The following NUDT5 variants were observed in gnomAD, a reference collection of about 807,000 sequenced individuals.
NUDT5 encodes nudix hydrolase 5.
A neutral mutation model predicts 34.1 loss-of-function variants in NUDT5; 21 were observed. The ratio of observed to expected loss-of-function variants is 0.62; its 90% CI spans 0.44 to 0.89. The LOEUF (loss-of-function observed/expected upper bound fraction) is 0.89, where lower values mean the gene tolerates loss of function less well. Among genes scored for constraint, NUDT5 ranks in the 40% least tolerant of loss-of-function variants. NUDT5 has a pLI of 0.00. For missense variants in NUDT5, 249 were observed against 274.8 expected, an observed-to-expected ratio of 0.91 and a Z score of 0.66; for synonymous variants, 85 against 97.6, an observed-to-expected ratio of 0.87 and a Z score of 0.76.
At position 12,167,754 on chromosome 10, in the gene NUDT5, G is replaced by C; in HGVS notation, c.608C>G (p.Ala203Gly). The change falls in exon 10 of 10, where the codon GCA (alanine) becomes GGA (glycine). Residue 203 changes from alanine to glycine, a missense_variant. Coordinates refer to ENST00000491614, the MANE Select transcript of NUDT5 (RefSeq NM_014142.4). ...TGGCTTTGCATTTGCATGTTTCAGTGCTAGAGCGTAGGAATAGACCCTGGC... is the reference window on the plus strand; with the variant it reads ...TGGCTTTGCATTTGCATGTTTCAGTCCTAGAGCGTAGGAATAGACCCTGGC... ...VDARVYSYALALKHANAKPFE... is the reference protein window; with the variant it reads ...VDARVYSYALGLKHANAKPFE... 6.2e-7 allele frequency: 1 copy of C among 1,614,134 alleles called. No homozygotes were observed. The highest frequency in any genetic ancestry group is 8.5e-7 in the Non-Finnish European group (1 of 1,180,014).
Position 12,182,207 on chromosome 10 carries a change from T to C in NUDT5, c.131+2682A>G, listed in dbSNP as rs147621159. Among the ~76,000 whole-genome samples the C allele has an allele frequency of 6.6e-6, 1 of 152,064 alleles. No individual in the cohort carries two copies. The highest frequency in any genetic ancestry group is 2.4e-5 in the African/African-American group (1 of 41,452). On this transcript the variant is annotated intron_variant, in intron 3 of 9. Transcript: ENST00000491614. This position sits in a 1 kb window ranked among gnomAD's most constrained non-coding sequence, Gnocchi z 4.3. ...TTTTCCCCTGGGGGGACACTGAATG[T>C]CTGTGTTGTATGCCTGTGTTCTGAC...
Position 12,171,605 on chromosome 10 carries a change from T to C in NUDT5, c.488-697A>G, listed in dbSNP as rs1288448967. Among the ~76,000 whole-genome samples the C allele has an allele frequency of 6.6e-6, 1 of 152,160 alleles. No individual in the cohort carries two copies. Among genetic ancestry groups the C allele is most frequent in the Non-Finnish European group, 1.5e-5 (1 of 68,028 alleles). ...ATGAAATGCCAGATCATATAATAAT[T>C]CTGTATCTAATATGCTGAGGAACTG... is the stretch of plus-strand genomic sequence containing the variant. On this transcript the variant is annotated intron_variant, in intron 7 of 9. Coordinates refer to ENST00000491614, the MANE Select transcript of NUDT5 (RefSeq NM_014142.4). This position sits in a 1 kb window ranked among gnomAD's most constrained non-coding sequence, Gnocchi z 4.2.
chr10:12,180,687 G>C (rs374546241), intron 3 of NUDT5, among the ~76,000 whole-genome samples: 1 of 152,184 alleles, frequency 6.6e-6, no homozygotes, highest in African/African-American at 2.4e-5. Context: ...TCAGCTCTTC[G>C]TCTCTACTTG....
intron 5 of NUDT5, among the ~76,000 whole-genome samples, chr10:12,177,308 A>C (rs1173713293): frequency 1.3e-5 from 2 of 152,284 alleles, no homozygotes; most frequent in African/African-American, 4.8e-5. Flanking sequence ...TCACAAGGTC[A>C]GGAGATCGAG....
In NUDT5 at chr10:12,170,731, A is replaced by G. The variant is rs1386274543; in HGVS notation, c.536T>C (p.Leu179Pro). The change falls in exon 9 of 10, where the codon CTG becomes CCG. Residue 179 changes from leucine (L) to proline (P), a missense_variant. Coordinates refer to ENST00000491614, the MANE Select transcript of NUDT5 (RefSeq NM_014142.4). The surrounding 1 kb of genome is among the most constrained non-coding windows in gnomAD (Gnocchi z 4.9). Reference sequence around the variant, plus strand: ...AGAATGCTTACCATCAAGTCTCTGCAGCAGGTCATTCTTGGGTAAAGAAAT... The same window carrying G: ...AGAATGCTTACCATCAAGTCTCTGCGGCAGGTCATTCTTGGGTAAAGAAAT... ...EVISLPKNDL[L>P]QRLDALVAEE... 6.2e-7 allele frequency: 1 copy of G among 1,613,800 alleles called. No homozygotes were observed. Among genetic ancestry groups the G allele is most frequent in the African/African-American group, 1.3e-5 (1 of 74,934 alleles).
rs756821215 is a variant in NUDT5 at position 12,181,671 on chromosome 10, G to A, written c.132-2539C>T. 1.3e-5 allele frequency among the ~76,000 whole-genome samples: 2 copies of A among 151,960 alleles called. No homozygotes were observed. The highest frequency in any genetic ancestry group is 2.9e-5 in the Non-Finnish European group (2 of 67,992). ...GTGGGAGTACCTGCAGAGGGAAGTC[G>A]CCGTGTGCGTGCAAAGGATATATCG... On this transcript the variant is annotated intron_variant, in intron 3 of 9. Transcript: ENST00000491614. The surrounding 1 kb of genome is among the most constrained non-coding windows in gnomAD (Gnocchi z 5.0).
intron 1 of NUDT5, among the ~76,000 whole-genome samples, chr10:12,194,299 C>T (rs939402353): frequency 6.6e-6 from 1 of 152,246 alleles, no homozygotes; most frequent in South Asian, 2.1e-4. Flanking sequence ...CTAAATAAAT[C>T]CCCCATCGAT....
intron 2 of NUDT5, 86 bp downstream of exon 2, chr10:12,186,143 A>G: frequency 9.5e-7 from 1 of 1,049,616 alleles, no homozygotes; most frequent in Non-Finnish European, 1.5e-6. Flanking sequence ...AGAATGAAAG[A>G]CCACCATTGT....
Position 12,170,004 on chromosome 10 carries a change from C to A in NUDT5, c.550+713G>T. On this transcript the variant is annotated intron_variant, in intron 9 of 9. Coordinates refer to ENST00000491614, the MANE Select transcript of NUDT5 (RefSeq NM_014142.4). This position sits in a 1 kb window ranked among gnomAD's most constrained non-coding sequence, Gnocchi z 4.9. The stretch of plus-strand genomic sequence containing the variant: ...GATGAGTGAAAGGGATTTGCCAGCC[C>A]ATACAGAGGTGCTCCTTGAAGGGCC... 1.0e-6 allele frequency: 1 copy of A among 957,344 alleles called. No individual in the cohort carries two copies. 59.3% of individuals were successfully genotyped at this position (957,344 alleles called of 1,614,324 possible). A position where few individuals can be genotyped will look rare whatever the true frequency, so the allele number is the denominator to read the frequency against.
Position 12,167,460 on chromosome 10 carries a change from A to G in NUDT5, c.*242T>C. On this transcript the variant is annotated 3_prime_UTR_variant, in exon 10 of 10. Transcript: ENST00000491614. ...GTTAACTGCTGTTGAGCTTTAAAAA[A>G]ATTGGAGTAAACATACTTGCATTTA... 2.4e-6 allele frequency: 1 copy of G among 410,608 alleles called. No individual in the cohort carries two copies. Among genetic ancestry groups the G allele is most frequent in the South Asian group, 2.7e-5 (1 of 37,342 alleles). 25.4% of individuals were successfully genotyped at this position (410,608 alleles called of 1,614,324 possible).
At position 12,169,870 on chromosome 10, in the gene NUDT5, C is replaced by G. The variant is rs1453731726; in HGVS notation, c.550+847G>C. On this transcript the variant is annotated intron_variant, in intron 9 of 9. Transcript: ENST00000491614. This position sits in a 1 kb window ranked among gnomAD's most constrained non-coding sequence, Gnocchi z 4.8. ...CTTCAGGCCAAACAATGCTTCAAAT[C>G]ACATTTGAAGTAATCACTTAAAAAC... The G allele has an allele frequency of 5.1e-6, 2 of 390,820 alleles. No homozygotes were observed. Among genetic ancestry groups the G allele is most frequent in the Non-Finnish European group, 9.1e-6 (2 of 220,458 alleles). The allele number at this position is 390,820 out of a possible 1,614,324, so 24.2% of individuals were successfully genotyped here.
chr10:12,188,963 G>A (rs990827116), intron 1 of NUDT5, among the ~76,000 whole-genome samples: 5 of 152,188 alleles, frequency 3.3e-5, no homozygotes, highest in African/African-American at 1.2e-4. Flanking sequence ...GGTGACTTCT[G>A]AATGGAGACC....
Position 12,173,771 on chromosome 10 carries a change from C to T in NUDT5, c.332G>A (p.Arg111Gln), listed in dbSNP as rs779876200. 4 of 1,614,030 alleles carry T rather than the reference C, an allele frequency of 2.5e-6. No homozygotes were observed. The highest frequency in any genetic ancestry group is 1.3e-5 in the African/African-American group (1 of 75,046). The change falls in exon 6 of 10, where the codon CGG becomes CAG. Residue 111 changes from arginine to glutamine, a missense_variant. Coordinates refer to ENST00000491614, the MANE Select transcript of NUDT5 (RefSeq NM_014142.4). This position sits in a 1 kb window ranked among gnomAD's most constrained non-coding sequence, Gnocchi z 4.7. ...GTAGCCAGTTTCTTCTTCAAGCTCC[C>T]GGAGAGCAGCTGCTTCTGGGGTTTC... ...DGETPEAAAL[R>Q]ELEEETGYKG...
In NUDT5 at chr10:12,182,880, G is replaced by A. The variant is rs900298949; in HGVS notation, c.131+2009C>T. 6.6e-6 allele frequency among the ~76,000 whole-genome samples: 1 copy of A among 152,186 alleles called. No homozygotes were observed. ...GCCTCCGGGGTAGCTGGGATTACAG[G>A]CGCATGCCACCACGCTGGGCTAATT... On this transcript the variant is annotated intron_variant, in intron 3 of 9. Coordinates refer to ENST00000491614, the MANE Select transcript of NUDT5 (RefSeq NM_014142.4). This position sits in a 1 kb window ranked among gnomAD's most constrained non-coding sequence, Gnocchi z 4.3.
chr10:12,189,393 AC>A (rs1270513627), intron 1 of NUDT5, among the ~76,000 whole-genome samples: 1 of 152,186 alleles, frequency 6.6e-6, no homozygotes, highest in African/African-American at 2.4e-5. Flanking sequence ...GGCGTGAACC[AC>A]CGTGCCTGGC....
At chr10:12,177,733 A>G in intron 5 of NUDT5, 60 bp downstream of exon 5, 1 of 1,225,946 alleles carries the variant, frequency 8.2e-7, no homozygotes, top group Non-Finnish European at 1.2e-6. Flanking sequence ...TGCAGTTCTC[A>G]GGCTTTACCC....
rs184157239 is a variant in NUDT5, at chr10:12,173,954, C to A, written c.290-141G>T. On this transcript the variant is annotated intron_variant, in intron 5 of 9. Coordinates refer to ENST00000491614, the MANE Select transcript of NUDT5 (RefSeq NM_014142.4). This position sits in a 1 kb window ranked among gnomAD's most constrained non-coding sequence, Gnocchi z 4.7. ...CGATCTCGGCCCACTGCAACCTCCGCCCGTCCAGGTTTAAGCAATTCTCTG... is the reference window on the plus strand; with the variant it reads ...CGATCTCGGCCCACTGCAACCTCCGACCGTCCAGGTTTAAGCAATTCTCTG... 65 of 651,374 alleles carry A rather than the reference C, an allele frequency of 1.0e-4. No homozygotes were observed. In the Admixed American group the frequency reaches 1.5e-3, roughly 15 times the overall value. 40.3% of individuals were successfully genotyped at this position (651,374 alleles called of 1,614,324 possible). A position where few individuals can be genotyped will look rare whatever the true frequency, so the allele number is the denominator to read the frequency against.
At chr10:12,184,697 A>G (rs1016003610) in intron 3 of NUDT5, among the ~76,000 whole-genome samples, 192 bp downstream of exon 3, 2 of 152,198 alleles carry the variant, frequency 1.3e-5, no homozygotes, top group Non-Finnish European at 2.9e-5. Context: ...TAGTTATTGT[A>G]ACACATTTAC....
chr10:12,190,217 CTTAGTCT>C (rs1317379968), intron 1 of NUDT5, among the ~76,000 whole-genome samples: 1 of 152,182 alleles, frequency 6.6e-6, no homozygotes, highest in Non-Finnish European at 1.5e-5. Flanking sequence ...TATGATTTTC[CTTAGTCT>C]TTAAAGTCAC....
Sources: gnomAD v4.1 joint callset for allele counts (sites outside exome capture counted in the v4.1 genomes callset) on GRCh38, gnomAD v4.1.1 for gene constraint, Gnocchi (gnomAD v3.1) non-coding constraint, MANE v1.5 for transcripts, NCBI Gene and HGNC (gene_info 2026-07-23, HGNC 2026-07-21) for gene names.